C14orf132: variants seen among roughly 807,000 people sequenced by gnomAD.
C14orf132 encodes uncharacterized protein C14orf132.
A neutral mutation model predicts 5.8 loss-of-function variants in C14orf132; 6 were observed. The ratio of observed to expected loss-of-function variants is 1.03; its 90% confidence interval spans 0.57 to 2.04. The LOEUF (loss-of-function observed/expected upper bound fraction) is 2.04, where lower values mean the gene tolerates loss of function less well. C14orf132 is among the 30% of genes most tolerant of loss of function. The pLI is 0.00. For synonymous variants in C14orf132, 51 were observed against 49.8 expected, an observed-to-expected ratio of 1.02 and a Z score of -0.10; for missense variants, 125 against 115.8, an observed-to-expected ratio of 1.08 and a Z score of -0.37.
In C14orf132 at chr14:96,093,076, A is replaced by G. The variant is rs1888466840; in HGVS notation, c.*6341A>G. 2 of 152,212 alleles carry G rather than the reference A, an allele frequency of 1.3e-5. No individual in the cohort carries two copies. The highest frequency in any genetic ancestry group is 4.8e-5 in the African/African-American group (2 of 41,446). The allele number at this position is 152,212 out of a possible 1,614,324, so 9.4% of individuals were successfully genotyped here. A position where few individuals can be genotyped will look rare whatever the true frequency, so the allele number is the denominator to read the frequency against. ...TCCCCATTTGTGAGTCATTGAGTAAATTAAAGCTCTTCTGAGCAGCAGCAG... is the reference window on the plus strand; with the variant it reads ...TCCCCATTTGTGAGTCATTGAGTAAGTTAAAGCTCTTCTGAGCAGCAGCAG... On this transcript the variant is annotated 3_prime_UTR_variant, in exon 2 of 2. Transcript: ENST00000555004.
chr14:96,080,625 A>G (rs915245625), intron 1 of C14orf132, among the ~76,000 whole-genome samples: 1 of 152,182 alleles, frequency 6.6e-6, no homozygotes, highest in African/African-American at 2.4e-5. Flanking sequence ...GATTTATATA[A>G]CGGTCACCTC....
intron 1 of C14orf132, chr14:96,051,357 C>A (rs985376549): frequency 2.3e-5 from 9 of 396,254 alleles, no homozygotes; most frequent in African/African-American, 1.9e-4. Context: ...CATCCCAAAT[C>A]CCTGGGTCCT....
Position 96,090,965 on chromosome 14 carries a change from G to A in C14orf132, c.*4230G>A, listed in dbSNP as rs1370415383. 1.3e-5 allele frequency: 6 copies of A among 456,084 alleles called. No homozygotes were observed. The highest frequency in any genetic ancestry group is 6.9e-5 in the East Asian group (1 of 14,398). 28.3% of individuals were successfully genotyped at this position (456,084 alleles called of 1,614,324 possible). A position where few individuals can be genotyped will look rare whatever the true frequency, so the allele number is the denominator to read the frequency against. ...ATTATTCCCAGTTATTATTCTTACC[G>A]GTGCCAGTTTTGCACATCTTTTTGT... On this transcript the variant is annotated 3_prime_UTR_variant, in exon 2 of 2. Transcript: ENST00000555004.
intron 1 of C14orf132, among the ~76,000 whole-genome samples, chr14:96,055,120 G>C (rs796612334): frequency 6.6e-6 from 1 of 152,196 alleles, no homozygotes; most frequent in Non-Finnish European, 1.5e-5. Context: ...CGGAGTCAAA[G>C]GGCATTATTA....
chr14:96,083,836 A>G (rs1356078611), intron 1 of C14orf132, among the ~76,000 whole-genome samples: 2 of 152,182 alleles, frequency 1.3e-5, no homozygotes, highest in South Asian at 2.1e-4. Context: ...AAAGCTATTA[A>G]ATAAATACCT....
intron 1 of C14orf132, among the ~76,000 whole-genome samples, chr14:96,063,146 G>T (rs1007732862): frequency 6.6e-6 from 1 of 152,156 alleles, no homozygotes; most frequent in Non-Finnish European, 1.5e-5. Flanking sequence ...GAGCTGTGAA[G>T]CAGCCGTTGA....
chr14:96,074,000 A>G (rs910859113), intron 1 of C14orf132, among the ~76,000 whole-genome samples: 1 of 152,164 alleles, frequency 6.6e-6, no homozygotes, highest in African/African-American at 2.4e-5. Flanking sequence ...AAACACGTGG[A>G]CACATGGGGG....
chr14:96,056,902 T>G (rs1269523823), intron 1 of C14orf132, among the ~76,000 whole-genome samples: 3 of 152,192 alleles, frequency 2.0e-5, no homozygotes, highest in African/African-American at 7.2e-5. Flanking sequence ...TCACCATACC[T>G]GACAGAGGAC....
At chr14:96,052,519 C>A (rs1450413308) in intron 1 of C14orf132, among the ~76,000 whole-genome samples, 2 of 152,232 alleles carry the variant, frequency 1.3e-5, no homozygotes, top group Admixed American at 6.5e-5. Flanking sequence ...TGCTGCCCAG[C>A]CCAGGGCTAG....
At position 96,071,706 on chromosome 14, in the gene C14orf132, C is replaced by A. The variant is rs77563454; in HGVS notation, c.28-14805C>A. ...CACCCTGAGGGATGGTGCCACTCAACCTCGGGAAGCTGGGCCCCCTTCTGT... is the reference window on the plus strand; with the variant it reads ...CACCCTGAGGGATGGTGCCACTCAAACTCGGGAAGCTGGGCCCCCTTCTGT... On this transcript the variant is annotated intron_variant, in intron 1 of 1. Coordinates refer to ENST00000555004, the MANE Select transcript of C14orf132 (RefSeq NM_001252507.3). 3.3e-3 allele frequency among the ~76,000 whole-genome samples: 501 copies of A among 152,320 alleles called. 6 individuals are homozygous for A. Among genetic ancestry groups the A allele is most frequent in the East Asian group, 0.016 (83 of 5,164 alleles).
At chr14:96,056,694 T>G (rs936819453) in intron 1 of C14orf132, among the ~76,000 whole-genome samples, 10 of 152,108 alleles carry the variant, frequency 6.6e-5, no homozygotes, top group Non-Finnish European at 1.5e-5. Flanking sequence ...TTTCTGTTTT[T>G]TTTGGTCTGC....
chr14:96,075,465 TGGTGAG>T (rs1887834192), intron 1 of C14orf132, among the ~76,000 whole-genome samples: 1 of 152,112 alleles, frequency 6.6e-6, no homozygotes, highest in South Asian at 2.1e-4. Context: ...TGAATGGGAG[TGGTGAG>T]GTTAGACATC....
chr14:96,085,675 CA>C (rs1373436603), intron 1 of C14orf132, among the ~76,000 whole-genome samples: 3 of 152,182 alleles, frequency 2.0e-5, no homozygotes, highest in Non-Finnish European at 4.4e-5. Context: ...TGTTCATACT[CA>C]TTGACTCAGA....
chr14:96,048,733 C>G (rs1357875326), intron 1 of C14orf132, among the ~76,000 whole-genome samples: 1 of 151,974 alleles, frequency 6.6e-6, no homozygotes, highest in African/African-American at 2.4e-5. Context: ...ACCATGTTGG[C>G]CAGGCTGGTC....
At chr14:96,058,437 C>T (rs1489091128) in intron 1 of C14orf132, among the ~76,000 whole-genome samples, 2 of 151,990 alleles carry the variant, frequency 1.3e-5, no homozygotes, top group African/African-American at 4.8e-5. Context: ...ACTTATGCAC[C>T]ATCTCAGGCC....
chr14:96,073,294 T>G (rs1276579037), intron 1 of C14orf132, among the ~76,000 whole-genome samples: 1 of 152,228 alleles, frequency 6.6e-6, no homozygotes, highest in Non-Finnish European at 1.5e-5. Context: ...TTCAGTGACA[T>G]ATCTCCTATT....
chr14:96,084,651 G>C (rs1231957144), intron 1 of C14orf132, among the ~76,000 whole-genome samples: 2 of 152,082 alleles, frequency 1.3e-5, no homozygotes, highest in Non-Finnish European at 2.9e-5. Flanking sequence ...CATATAAGAA[G>C]TACTCATATA....
intron 1 of C14orf132, among the ~76,000 whole-genome samples, chr14:96,049,091 AT>A (rs1435424789): frequency 6.6e-6 from 1 of 151,614 alleles, no homozygotes; most frequent in African/African-American, 2.4e-5. Flanking sequence ...TATCCAGCTA[AT>A]TTTTTGTATT....
At chr14:96,058,689 G>A (rs1887254574) in intron 1 of C14orf132, among the ~76,000 whole-genome samples, 1 of 152,160 alleles carries the variant, frequency 6.6e-6, no homozygotes, top group Admixed American at 6.5e-5. Context: ...CAGCCACCTG[G>A]GCTCATGGAT....
Sources: gnomAD v4.1 joint callset for allele counts (sites outside exome capture counted in the v4.1 genomes callset) on GRCh38, gnomAD v4.1.1 for gene constraint, MANE v1.5 for transcripts, NCBI Gene and HGNC (gene_info 2026-07-23, HGNC 2026-07-21) for gene names.